CCSER1: variants seen among roughly 807,000 people sequenced by gnomAD.
The protein encoded by CCSER1 is serine-rich coiled-coil domain-containing protein 1.
Under a neutral mutation model 82.0 loss-of-function variants are expected in CCSER1, and 41 were observed. That is an observed-to-expected ratio of 0.50 (90% confidence interval 0.39 to 0.65). The LOEUF (loss-of-function observed/expected upper bound fraction) is 0.65, where lower values mean the gene tolerates loss of function less well. CCSER1 is among the 30% of genes least tolerant of loss of function. CCSER1 has a pLI of 0.00. For synonymous variants in CCSER1, 414 were observed against 383.9 expected (o/e 1.08, Z -0.92); for missense variants, 1,119 against 1,064.2 (o/e 1.05, Z -0.72).
At chr4:90,414,073 A>T (rs976139602) in intron 4 of CCSER1, among the ~76,000 whole-genome samples, 5 of 142,438 alleles carry the variant, frequency 3.5e-5, no homozygotes, top group Non-Finnish European at 7.6e-5. Context: ...TTTATAGTGC[A>T]GTAAGTGGAT....
At chr4:90,564,539 T>C (rs917283281) in intron 5 of CCSER1, among the ~76,000 whole-genome samples, 1 of 152,210 alleles carries the variant, frequency 6.6e-6, no homozygotes, top group Non-Finnish European at 1.5e-5. Context: ...TTAATTCCAT[T>C]TGTCTATTTT....
At chr4:91,023,673 A>G (rs1287937440) in intron 9 of CCSER1, among the ~76,000 whole-genome samples, 1 of 152,176 alleles carries the variant, frequency 6.6e-6, no homozygotes, top group Non-Finnish European at 1.5e-5. Flanking sequence ...GGATTAAAAG[A>G]CTTAAATGTT....
intron 7 of CCSER1, among the ~76,000 whole-genome samples, chr4:90,782,357 C>G (rs544134282): frequency 6.6e-6 from 1 of 152,108 alleles, no homozygotes; most frequent in Non-Finnish European, 1.5e-5. Context: ...TATTGAACTC[C>G]TTCTCTGTGA....
chr4:91,382,812 G>A (rs914565043), intron 10 of CCSER1, among the ~76,000 whole-genome samples: 1 of 152,098 alleles, frequency 6.6e-6, no homozygotes, highest in African/African-American at 2.4e-5. Flanking sequence ...GCTGGGAGCT[G>A]TAGACTGGAG....
At chr4:91,113,775 A>G (rs1186783505) in intron 10 of CCSER1, among the ~76,000 whole-genome samples, 1 of 152,170 alleles carries the variant, frequency 6.6e-6, no homozygotes, top group Non-Finnish European at 1.5e-5. Context: ...ATATAAATAT[A>G]GATTTTGAAA....
intron 1 of CCSER1, among the ~76,000 whole-genome samples, chr4:90,281,250 C>T (rs1728797067): frequency 1.3e-5 from 2 of 151,990 alleles, no homozygotes; most frequent in Admixed American, 1.3e-4. Context: ...ACACTGAGTA[C>T]ACATGCACAC....
intron 3 of CCSER1, among the ~76,000 whole-genome samples, chr4:90,395,010 A>G (rs376705234): frequency 5.3e-5 from 8 of 152,320 alleles, no homozygotes; most frequent in African/African-American, 1.9e-4. Flanking sequence ...ATGTTGTACA[A>G]CAGATCTTCA....
chr4:90,612,022 T>C (rs890643500), intron 5 of CCSER1, among the ~76,000 whole-genome samples: 1 of 151,838 alleles, frequency 6.6e-6, no homozygotes, highest in African/African-American at 2.4e-5. Context: ...ATTTTCACTT[T>C]GATTTTCTTT....
chr4:90,497,249 T>G (rs1275985033), intron 5 of CCSER1, among the ~76,000 whole-genome samples: 3 of 152,188 alleles, frequency 2.0e-5, no homozygotes, highest in Non-Finnish European at 4.4e-5. Flanking sequence ...TGATTTAATT[T>G]TAGTTACACA....
rs117527468 is a variant in CCSER1, at chr4:90,621,724, T to A, written c.1725-6301T>A. On this transcript the variant is annotated intron_variant, in intron 5 of 10. Transcript: ENST00000509176. ...GTTTTTCAGAGTCTGTATTTTATTG[T>A]CTTCCTTTAGAGAAAGTATAGAATT... is the stretch of plus-strand genomic sequence containing the variant. Among the ~76,000 whole-genome samples the A allele has an allele frequency of 8.1e-4, 123 of 152,356 alleles. 1 individual carries two copies. In the East Asian group the frequency reaches 0.017, roughly 21 times the overall value.
intron 7 of CCSER1, among the ~76,000 whole-genome samples, chr4:90,735,291 G>T (rs1202905059): frequency 2.0e-5 from 3 of 151,956 alleles, no homozygotes; most frequent in Non-Finnish European, 4.4e-5. Flanking sequence ...TTTCTGTTTT[G>T]GATGGGTCTT....
At chr4:90,281,962 G>C (rs1286389125) in intron 1 of CCSER1, among the ~76,000 whole-genome samples, 7 of 151,894 alleles carry the variant, frequency 4.6e-5, no homozygotes, top group Non-Finnish European at 7.4e-5. Flanking sequence ...CATTGTGATG[G>C]GATAAAAACA....
At chr4:90,446,758 T>C (rs575318763) in intron 4 of CCSER1, among the ~76,000 whole-genome samples, 1 of 152,272 alleles carries the variant, frequency 6.6e-6, no homozygotes, top group South Asian at 2.1e-4. Flanking sequence ...GTGCCTTCCT[T>C]TCCTGCTTCC....
chr4:90,210,696 C>T (rs1739816366), intron 1 of CCSER1, among the ~76,000 whole-genome samples: 1 of 152,148 alleles, frequency 6.6e-6, no homozygotes, highest in African/African-American at 2.4e-5. Flanking sequence ...CCTCTGGCCT[C>T]AGCCTCCCAA....
intron 9 of CCSER1, among the ~76,000 whole-genome samples, chr4:91,033,963 G>A (rs998732437): frequency 1.3e-5 from 2 of 152,128 alleles, no homozygotes; most frequent in African/African-American, 4.8e-5. Context: ...TACCAACAAG[G>A]CAATAAGAGC....
chr4:91,392,546 G>A (rs1446272667), intron 10 of CCSER1, among the ~76,000 whole-genome samples: 3 of 151,974 alleles, frequency 2.0e-5, no homozygotes, highest in Admixed American at 2.0e-4. Context: ...AATATAAGCA[G>A]TTCATATATC....
intron 10 of CCSER1, among the ~76,000 whole-genome samples, chr4:91,339,562 C>G (rs183541009): frequency 6.6e-6 from 1 of 152,162 alleles, no homozygotes; most frequent in African/African-American, 2.4e-5. Flanking sequence ...ACTTCAGTCT[C>G]TGCTTTTGAA....
intron 10 of CCSER1, among the ~76,000 whole-genome samples, chr4:91,262,742 G>A (rs187091916): frequency 7.2e-4 from 109 of 151,210 alleles, no homozygotes; most frequent in Non-Finnish European, 1.2e-3. Context: ...ACCTGAATAG[G>A]ACAATACTGA....
chr4:90,914,292 A>G (rs971434065), intron 8 of CCSER1, among the ~76,000 whole-genome samples: 2 of 152,150 alleles, frequency 1.3e-5, no homozygotes, highest in African/African-American at 4.8e-5. Flanking sequence ...ATAGCAAACT[A>G]TCTCTCAAAC....
Sources: gnomAD v4.1 joint callset for allele counts (sites outside exome capture counted in the v4.1 genomes callset) on GRCh38, gnomAD v4.1.1 for gene constraint, MANE v1.5 for transcripts, NCBI Gene and HGNC (gene_info 2026-07-23, HGNC 2026-07-21) for gene names.